Variants in PRRC2C observed in about 807,000 individuals in gnomAD.
PRRC2C encodes the protein proline rich coiled-coil 2C.
A neutral mutation model predicts 317.2 loss-of-function variants in PRRC2C; 72 were observed. That is an observed-to-expected ratio of 0.23 (90% CI 0.19 to 0.28). The LOEUF is 0.28. Among genes scored for constraint, PRRC2C ranks in the 10% least tolerant of loss-of-function variants. The pLI is 1.00. For synonymous variants in PRRC2C, 1,296 were observed against 1,205.9 expected (o/e 1.07, Z -1.55); for missense variants, 3,074 against 3,459.7 (o/e 0.89, Z 2.80).
Position 171,546,768 on chromosome 1 carries a change from T to TTTA in PRRC2C, c.4972+1102_4972+1104dup, listed in dbSNP as rs532497334. On this transcript the variant is annotated intron_variant, in intron 17 of 34. Coordinates refer to ENST00000647382, the MANE Select transcript of PRRC2C (RefSeq NM_001387844.1). ...AGCATGAGCCACCATGCCCAGCTAA[T>TTTA]TTATTATTATTATTATTATTATTTT... 7.0e-3 allele frequency among the ~76,000 whole-genome samples: 1,063 copies of TTTA among 150,978 alleles called. 8 individuals carry two copies. Among genetic ancestry groups the TTTA allele is most frequent in the Non-Finnish European group, 0.011 (762 of 67,762 alleles).
At chr1:171,574,459 G>A (rs929311047) in intron 24 of PRRC2C, among the ~76,000 whole-genome samples, 5 of 152,150 alleles carry the variant, frequency 3.3e-5, no homozygotes, top group Admixed American at 6.5e-5. Context: ...ACATCTGGTG[G>A]TACATGAAAT....
intron 1 of PRRC2C, among the ~76,000 whole-genome samples, chr1:171,485,983 G>A (rs1348717534): frequency 1.3e-5 from 2 of 152,100 alleles, no homozygotes; most frequent in East Asian, 1.9e-4. Context: ...GGTCTGCAGC[G>A]GGAGTTCTGG....
At position 171,571,471 on chromosome 1, in the gene PRRC2C, G is replaced by T. The variant is rs550082299; in HGVS notation, c.6753+50G>T. The T allele has an allele frequency of 6.0e-6, 8 of 1,336,454 alleles. No homozygotes were observed. In the East Asian group the frequency reaches 1.8e-4, roughly 31 times the overall value. 82.8% of individuals were successfully genotyped at this position (1,336,454 alleles called of 1,614,324 possible). A position where few individuals can be genotyped will look rare whatever the true frequency, so the allele number is the denominator to read the frequency against. ...AGTCCTTAATTGTTGCATGCAAGGG[G>T]ACATAAGTTAACAATATTCGTGGGG... On this transcript the variant is annotated intron_variant, in intron 24 of 34. Coordinates refer to ENST00000647382, the MANE Select transcript of PRRC2C (RefSeq NM_001387844.1).
intron 1 of PRRC2C, among the ~76,000 whole-genome samples, chr1:171,496,637 T>C (rs1016699441): frequency 1.6e-4 from 25 of 152,214 alleles, no homozygotes; most frequent in African/African-American, 5.8e-4. Context: ...GGCACACACA[T>C]GCACTCTGTG....
intron 6 of PRRC2C, among the ~76,000 whole-genome samples, chr1:171,518,033 A>G (rs1381880878): frequency 6.6e-6 from 1 of 152,240 alleles, no homozygotes; most frequent in African/African-American, 2.4e-5. Context: ...AAACGTTACC[A>G]CGCAGTGTTT....
chr1:171,559,165 C>T (rs938422959), intron 19 of PRRC2C, among the ~76,000 whole-genome samples: 1 of 152,178 alleles, frequency 6.6e-6, no homozygotes, highest in African/African-American at 2.4e-5. Context: ...CAAGGCAAAG[C>T]AGCAAGTTAT....
intron 17 of PRRC2C, among the ~76,000 whole-genome samples, chr1:171,549,001 G>A (rs377471755): frequency 9.9e-5 from 15 of 152,036 alleles, no homozygotes; most frequent in East Asian, 1.9e-4. Flanking sequence ...ACAGGCATGC[G>A]CCAGCTAATT....
chr1:171,558,225 T>C, intron 19 of PRRC2C, 82 bp downstream of exon 19: 4 of 1,398,980 alleles, frequency 2.9e-6, no homozygotes, highest in Non-Finnish European at 3.8e-6. Flanking sequence ...ATATACTCTT[T>C]AAGTGTTTTC....
intron 33 of PRRC2C, 61 bp from the exon 34 acceptor site, chr1:171,589,308 G>GGT: frequency 4.5e-6 from 2 of 445,894 alleles, no homozygotes; most frequent in East Asian, 1.7e-4. Context: ...CTAGTTGGCA[G>GGT]TTTTTTTTTT....
intron 1 of PRRC2C, among the ~76,000 whole-genome samples, chr1:171,507,275 T>G (rs1670435710): frequency 1.3e-5 from 2 of 152,124 alleles, no homozygotes; most frequent in Non-Finnish European, 2.9e-5. Flanking sequence ...GTATTTACAT[T>G]AGGGTAATTT....
At chr1:171,539,223 A>C (rs143499447) in intron 15 of PRRC2C, among the ~76,000 whole-genome samples, 3 of 149,724 alleles carry the variant, frequency 2.0e-5, no homozygotes, top group African/African-American at 7.4e-5. Flanking sequence ...CTGGTCTCGA[A>C]CTCCCGACCT....
Position 171,569,589 on chromosome 1 carries a change from TATA to T in PRRC2C, c.6651+1251_6651+1253del, listed in dbSNP as rs1558024176. The stretch of plus-strand genomic sequence containing the variant: ...AAAGTGGTTTAAATATATATATATA[TATA>T]TGGTTTTTTTTTTCTTTTTTTAACT... On this transcript the variant is annotated intron_variant, in intron 23 of 34. Transcript: ENST00000647382. Among the ~76,000 whole-genome samples, 288 of 131,092 alleles carry T rather than the reference TATA, an allele frequency of 2.2e-3. 13 individuals are homozygous for T. Among genetic ancestry groups the T allele is most frequent in the African/African-American group, 7.6e-3 (275 of 36,228 alleles). The allele number at this position is 131,092 out of a possible 152,430, so 86.0% of individuals were successfully genotyped here.
chr1:171,494,612 A>T (rs1456203875), intron 1 of PRRC2C, among the ~76,000 whole-genome samples: 2 of 152,146 alleles, frequency 1.3e-5, no homozygotes, highest in African/African-American at 4.8e-5. Flanking sequence ...TTTTGCTTGG[A>T]TCCATCTGAT....
At chr1:171,498,253 C>T (rs1407976313) in intron 1 of PRRC2C, among the ~76,000 whole-genome samples, 6 of 152,102 alleles carry the variant, frequency 3.9e-5, no homozygotes, top group Non-Finnish European at 7.3e-5. Context: ...TAACAAAATG[C>T]CTGAGACTGG....
rs765382563 is a variant in PRRC2C, at chr1:171,536,254, A to G, written c.2269A>G (p.Met757Val). The G allele has an allele frequency of 3.7e-6, 6 of 1,613,750 alleles. No individual in the cohort carries two copies. Among genetic ancestry groups the G allele is most frequent in the South Asian group, 1.1e-5 (1 of 90,958 alleles). Residue 757 changes from methionine (M) to valine (V), a missense_variant, in exon 14 of 35, where the codon ATG (methionine) becomes GTG (valine). Physicochemically the swap from Met to Val is conservative, Grantham distance 21. Coordinates refer to ENST00000647382, the MANE Select transcript of PRRC2C (RefSeq NM_001387844.1). ...TCGAATGATGTCAGGAAGACCTGCT[A>G]TGGATATTCCACCCATTCATCCTGG... ...DPRMMSGRPA[M>V]DIPPIHPGMI...
chr1:171,582,886 TAATA>T (rs1262697648), intron 28 of PRRC2C, among the ~76,000 whole-genome samples: 1 of 151,794 alleles, frequency 6.6e-6, no homozygotes, highest in South Asian at 2.1e-4. Flanking sequence ...TTTTCTTCAA[TAATA>T]AATTAACCTC....
At chr1:171,531,200 AGG>A (rs1447648765) in intron 11 of PRRC2C, among the ~76,000 whole-genome samples, 1 of 151,976 alleles carries the variant, frequency 6.6e-6, no homozygotes, top group East Asian at 1.9e-4. Flanking sequence ...TTGGGGCCAC[AGG>A]GGGAGGCAGA....
chr1:171,556,128 A>G (rs1240167930), intron 18 of PRRC2C, among the ~76,000 whole-genome samples: 1 of 152,144 alleles, frequency 6.6e-6, no homozygotes, highest in African/African-American at 2.4e-5. Flanking sequence ...AGCCTCAGCA[A>G]TGGTGGACAC....
intron 24 of PRRC2C, among the ~76,000 whole-genome samples, chr1:171,572,568 T>C (rs1266734889): frequency 6.6e-6 from 1 of 152,212 alleles, no homozygotes; most frequent in African/African-American, 2.4e-5. Context: ...TAAAATTTTA[T>C]AAGACAACAG....
Sources: allele counts gnomAD v4.1 joint callset (sites outside exome capture counted in the v4.1 genomes callset), GRCh38; gene constraint gnomAD v4.1.1; transcripts MANE v1.5; gene names NCBI Gene and HGNC (gene_info 2026-07-23, HGNC 2026-07-21).